The following TJP3 variants were observed in gnomAD, a reference collection of about 807,000 sequenced individuals.
TJP3 encodes the protein tight junction protein 3, also known as tight junction protein ZO-3.
A neutral mutation model predicts 104.2 loss-of-function variants in TJP3; 85 were observed. The observed-to-expected ratio is 0.82, with a 90% CI of 0.68 to 0.98. The LOEUF (loss-of-function observed/expected upper bound fraction) is 0.98. Ranked by LOEUF, TJP3 falls within the 50% of genes least tolerant of loss-of-function variation. The pLI is 0.00. For missense variants in TJP3, 1,367 were observed against 1,322.8 expected (o/e 1.03, Z -0.52); for synonymous variants, 550 against 550.6 (o/e 1.00, Z 0.02).
At position 3,744,031 on chromosome 19, in the gene TJP3, G is replaced by C; in HGVS notation, c.1936G>C (p.Ala646Pro). 1 of 1,613,794 alleles carries C rather than the reference G, an allele frequency of 6.2e-7. No homozygotes were observed. ...TGAGATGCCTGACCAGTTTGAAATC[G>C]CAGGTGAGAAGCCAGATCCTCTGGA... ...TAEMPDQFEI[A>P]ETVSRTDSPS... Residue 646 changes from alanine (A) to proline (P), a missense_variant, in exon 15 of 21, where the codon GCA becomes CCA. Coordinates refer to ENST00000541714, the MANE Select transcript of TJP3 (RefSeq NM_001267560.2).
chr19:3,738,544 C>G lies in TJP3; in HGVS notation c.1285-11C>G. 6.2e-7 allele frequency: 1 copy of G among 1,610,978 alleles called. No individual in the cohort carries two copies. The highest frequency in any genetic ancestry group is 8.5e-7 in the Non-Finnish European group (1 of 1,177,910). Reference sequence around the variant, plus strand: ...AGAGCTTTTTCTATAGCTGCACTTGCTTTCTGGCAGGTGAATGACGTGCCA... The same window carrying G: ...AGAGCTTTTTCTATAGCTGCACTTGGTTTCTGGCAGGTGAATGACGTGCCA... On this transcript the variant is annotated splice_polypyrimidine_tract_variant and intron_variant, in intron 11 of 20. Transcript: ENST00000541714.
intron 1 of TJP3, among the ~76,000 whole-genome samples, chr19:3,727,425 G>A (rs113877588): frequency 0.19 from 27,530 of 148,678 alleles, 2,683 homozygotes; most frequent in Non-Finnish European, 0.22. Context: ...GGAGGTTGCA[G>A]TGAGCCAAGA....
At chr19:3,744,532 C>T (rs1396531173) in intron 15 of TJP3, among the ~76,000 whole-genome samples, 6 of 151,898 alleles carry the variant, frequency 4.0e-5, no homozygotes, top group Admixed American at 6.6e-5. Flanking sequence ...GGTGTGGTGG[C>T]GCGTACCTGT....
intron 11 of TJP3, 75 bp from the exon 12 acceptor site, chr19:3,738,480 G>C (rs552404868): frequency 7.4e-7 from 1 of 1,347,286 alleles, no homozygotes; most frequent in Admixed American, 1.9e-5. Context: ...GTTTTGCCCA[G>C]AGGAAGGTCC....
chr19:3,730,439 G>A lies in TJP3; in HGVS notation c.346G>A (p.Asp116Asn), dbSNP rs747483391. ...AGGGCGCCAGGACTCGGATGAAGAC[G>A]ATGGGCCCCAGCGGGTGGAGGAGGT... Reference protein sequence around the residue: ...SPGRQDSDEDDGPQRVEEVDQ... With the variant: ...SPGRQDSDEDNGPQRVEEVDQ... The change falls in exon 5 of 21, where the codon GAT becomes AAT. Residue 116 changes from aspartate to asparagine, a missense_variant. Asp to Asn is a conservative substitution (Grantham distance 23). Coordinates refer to ENST00000541714, the MANE Select transcript of TJP3 (RefSeq NM_001267560.2). This position sits in a 1 kb window ranked among gnomAD's most constrained non-coding sequence, Gnocchi z 7.3. 19 of 1,591,398 alleles carry A rather than the reference G, an allele frequency of 1.2e-5. No homozygotes were observed. Among genetic ancestry groups the A allele is most frequent in the Admixed American group, 5.3e-5 (3 of 56,392 alleles).
chr19:3,741,441 C>T (rs141619451), intron 14 of TJP3, among the ~76,000 whole-genome samples: 4,241 of 151,984 alleles, frequency 0.028, 71 homozygotes, highest in Middle Eastern at 0.092. Flanking sequence ...GCCTGGCCCA[C>T]ATGGTGAAAT....
rs377123957 is a variant in TJP3 at position 3,743,980 on chromosome 19, G to A, written c.1885G>A (p.Asp629Asn). ...GGTAGTGATCCTGGGACCCGTGGCC[G>A]ACATTGCTATGCAGAAGTTGACTGC... is the stretch of plus-strand genomic sequence containing the variant. ...RPVVILGPVA[D>N]IAMQKLTAEM... Residue 629 changes from aspartate (D) to asparagine (N), a missense_variant, in exon 15 of 21, where the codon GAC (aspartate) becomes AAC (asparagine). Asp to Asn is a conservative substitution (Grantham distance 23, BLOSUM62 1). Transcript: ENST00000541714. The A allele has an allele frequency of 1.3e-5, 21 of 1,614,030 alleles. No homozygotes were observed. The highest frequency in any genetic ancestry group is 6.7e-5 in the Admixed American group (4 of 59,986).
intron 11 of TJP3, 49 bp downstream of exon 11, chr19:3,736,370 T>C: frequency 6.8e-7 from 1 of 1,464,050 alleles, no homozygotes; most frequent in Non-Finnish European, 9.0e-7. Context: ...GCGTGCAGTG[T>C]GCTAGGTCCT....
chr19:3,709,270 AT>A (rs1326260865), intron 1 of TJP3, among the ~76,000 whole-genome samples: 3 of 151,810 alleles, frequency 2.0e-5, no homozygotes, highest in Non-Finnish European at 4.4e-5. Flanking sequence ...TAATTTTTGT[AT>A]TTTTAGTAGA....
At chr19:3,710,877 C>T (rs949705440) in intron 1 of TJP3, among the ~76,000 whole-genome samples, 16 of 152,080 alleles carry the variant, frequency 1.1e-4, no homozygotes, top group Admixed American at 3.3e-4. Context: ...GGGTAACATG[C>T]GTGAGAGGCG....
At chr19:3,715,407 C>A (rs1013605887) in intron 1 of TJP3, among the ~76,000 whole-genome samples, 2 of 152,016 alleles carry the variant, frequency 1.3e-5, no homozygotes, top group South Asian at 2.1e-4. Flanking sequence ...GTTTTTAATT[C>A]ATTAAGGTGA....
chr19:3,741,153 A>AC, intron 14 of TJP3, among the ~76,000 whole-genome samples: 1 of 151,356 alleles, frequency 6.6e-6, no homozygotes, highest in South Asian at 2.1e-4. Context: ...GGCGCCCATC[A>AC]CCCCGCCCCC....
chr19:3,730,260 G>A lies in TJP3; in HGVS notation c.262-95G>A. On this transcript the variant is annotated intron_variant, in intron 4 of 20. Transcript: ENST00000541714. This position sits in a 1 kb window ranked among gnomAD's most constrained non-coding sequence, Gnocchi z 7.3. ...TACAGTTTGGACATTGAGGCCCAGA[G>A]AGAGACTGGTGTCCCCCAGGGCCAC... 6 of 1,485,874 alleles carry A rather than the reference G, an allele frequency of 4.0e-6. No homozygotes were observed. Among genetic ancestry groups the A allele is most frequent in the Non-Finnish European group, 5.5e-6 (6 of 1,090,358 alleles). The allele number at this position is 1,485,874 out of a possible 1,614,324, so 92.0% of individuals were successfully genotyped here. A position where few individuals can be genotyped will look rare whatever the true frequency, so the allele number is the denominator to read the frequency against.
At position 3,735,870 on chromosome 19, in the gene TJP3, G is replaced by A. The variant is rs775059321; in HGVS notation, c.1062G>A (p.Glu354=). Residue 354 remains glutamate, a splice_region_variant and synonymous_variant, in exon 10 of 21, where the codon GAG becomes GAA. Coordinates refer to ENST00000541714, the MANE Select transcript of TJP3 (RefSeq NM_001267560.2). ...AAGAGACTGGCTTTTCCCTTTCAGA[G>A]TTGCCCAGGGAAAGCAGCTATGACA... is the stretch of plus-strand genomic sequence containing the variant. ...TISEPDEQRS[E]LPRESSYDIY... is the part of the protein sequence containing the mutation. The A allele has an allele frequency of 7.2e-5, 117 of 1,613,992 alleles. No homozygotes were observed. The highest frequency in any genetic ancestry group is 9.8e-5 in the Non-Finnish European group (116 of 1,180,032).
chr19:3,714,077 C>G (rs1050781487), intron 1 of TJP3, among the ~76,000 whole-genome samples: 2 of 151,286 alleles, frequency 1.3e-5, no homozygotes, highest in Non-Finnish European at 2.9e-5. Context: ...GACAGAGTCT[C>G]TCTCTGTCAC....
intron 1 of TJP3, among the ~76,000 whole-genome samples, chr19:3,726,807 G>C (rs1285679228): frequency 6.6e-6 from 1 of 151,314 alleles, no homozygotes; most frequent in Non-Finnish European, 1.5e-5. Flanking sequence ...AGGCTGCAGT[G>C]AGCCATAATG....
intron 1 of TJP3, among the ~76,000 whole-genome samples, chr19:3,714,759 G>A (rs539648721): frequency 5.9e-5 from 9 of 152,030 alleles, no homozygotes; most frequent in Admixed American, 2.0e-4. Context: ...TGCTATCTCT[G>A]GGCCTCAGTT....
At chr19:3,728,348 C>A in intron 1 of TJP3, 76 bp from the exon 2 acceptor site, 2 of 1,611,348 alleles carry the variant, frequency 1.2e-6, no homozygotes. Context: ...GACTCCCCAC[C>A]CTGAGCTGGG....
chr19:3,720,903 T>TTC (rs1441397796), intron 1 of TJP3, among the ~76,000 whole-genome samples: 13 of 130,092 alleles, frequency 1.0e-4, no homozygotes, highest in South Asian at 4.8e-4. Flanking sequence ...TTCCTTTTCT[T>TTC]TTTTTTTTTT....
Sources: gnomAD v4.1 joint callset for allele counts (sites outside exome capture counted in the v4.1 genomes callset) on GRCh38, gnomAD v4.1.1 for gene constraint, Gnocchi (gnomAD v3.1) non-coding constraint, MANE v1.5 for transcripts, NCBI Gene and HGNC (gene_info 2026-07-23, HGNC 2026-07-21) for gene names.